ZBTB24: variants seen among roughly 807,000 people sequenced by gnomAD.
The protein encoded by ZBTB24 is zinc finger and BTB domain-containing protein 24.
A neutral mutation model predicts 53.8 loss-of-function variants in ZBTB24; 32 were observed. The ratio of observed to expected loss-of-function variants is 0.60; its 90% CI spans 0.45 to 0.80. The LOEUF is 0.80. Ranked by LOEUF, ZBTB24 falls within the 30% of genes least tolerant of loss-of-function variation. ZBTB24 has a pLI of 0.00. For synonymous variants in ZBTB24, 297 were observed against 306.7 expected (o/e 0.97, Z 0.33); for missense variants, 722 against 837.1 (o/e 0.86, Z 1.70).
chr6:109,467,596 C>T, intron 6 of ZBTB24, 57 bp downstream of exon 6: 3 of 1,613,566 alleles, frequency 1.9e-6, no homozygotes, highest in Non-Finnish European at 2.5e-6. Context: ...TGTCACCTCA[C>T]TGAACAGCAG....
chr6:109,477,817 T>C (rs1298696300), intron 2 of ZBTB24, among the ~76,000 whole-genome samples: 1 of 151,896 alleles, frequency 6.6e-6, no homozygotes, highest in Non-Finnish European at 1.5e-5. Flanking sequence ...TGCCTCCAAG[T>C]GGGAGAGCAG....
In ZBTB24 at chr6:109,465,991, G is replaced by A; in HGVS notation, c.1954C>T (p.Gln652Ter). 1 of 1,614,196 alleles carries A rather than the reference G, an allele frequency of 6.2e-7. No homozygotes were observed. The highest frequency in any genetic ancestry group is 8.5e-7 in the Non-Finnish European group (1 of 1,180,034). ...KETLEHLHAHQEQTEELHLAT... is the reference protein window; with the variant it reads ...KETLEHLHAH ...AAATGGAGCTCCTCTGTTTGCTCTT[G>A]ATGGGCATGAAGATGTTCCAGTGTT... The change falls in exon 7 of 7, where the codon CAA (glutamine) becomes TAA (stop). Residue 652 changes from glutamine to a stop codon, truncating the protein, a stop_gained. Coordinates refer to ENST00000230122, the MANE Select transcript of ZBTB24 (RefSeq NM_014797.3). LOFTEE classifies it low-confidence loss of function (END_TRUNC).
At chr6:109,477,421 G>A (rs1241051639) in intron 2 of ZBTB24, among the ~76,000 whole-genome samples, 1 of 152,186 alleles carries the variant, frequency 6.6e-6, no homozygotes, top group Non-Finnish European at 1.5e-5. Context: ...AAATTGCTGG[G>A]AGTACAGGCA....
intron 5 of ZBTB24, among the ~76,000 whole-genome samples, chr6:109,474,847 T>C (rs1043951886): frequency 5.3e-5 from 8 of 151,974 alleles, no homozygotes; most frequent in African/African-American, 1.9e-4. Context: ...AAGACCAGCC[T>C]GGGCAACATA....
intron 5 of ZBTB24, among the ~76,000 whole-genome samples, chr6:109,473,259 C>T (rs553975277): frequency 6.8e-4 from 103 of 152,220 alleles, no homozygotes; most frequent in Non-Finnish European, 8.4e-4. Flanking sequence ...AAGCATGCAG[C>T]TAAATTGAGA....
chr6:109,464,492 C>T lies in ZBTB24; in HGVS notation c.*1359G>A, dbSNP rs927051060. The T allele has an allele frequency of 2.6e-5, 4 of 152,220 alleles. No individual in the cohort carries two copies. The highest frequency in any genetic ancestry group is 2.6e-4 in the Admixed American group (4 of 15,286). The allele number at this position is 152,220 out of a possible 1,614,324, so 9.4% of individuals were successfully genotyped here. On this transcript the variant is annotated 3_prime_UTR_variant, in exon 7 of 7. Coordinates refer to ENST00000230122, the MANE Select transcript of ZBTB24 (RefSeq NM_014797.3). ...TGCCCACCTTCTTTTCTCAAAAATCCCCTACCAGCTTACATGAAAGTGGTA... is the reference window on the plus strand; with the variant it reads ...TGCCCACCTTCTTTTCTCAAAAATCTCCTACCAGCTTACATGAAAGTGGTA...
At chr6:109,479,006 G>C (rs1776339306) in intron 2 of ZBTB24, among the ~76,000 whole-genome samples, 1 of 152,108 alleles carries the variant, frequency 6.6e-6, no homozygotes, top group Non-Finnish European at 1.5e-5. Context: ...ACCTCAAAGG[G>C]CTGAAAAACA....
At chr6:109,476,139 T>A (rs771478541) in intron 4 of ZBTB24, 36 bp downstream of exon 4, 9 of 1,603,908 alleles carry the variant, frequency 5.6e-6, no homozygotes, top group Non-Finnish European at 7.7e-6. Context: ...TTTGCATTTC[T>A]TCCCCCCCAA....
chr6:109,477,048 C>A, intron 2 of ZBTB24, 118 bp from the exon 3 acceptor site: 10 of 1,378,220 alleles, frequency 7.3e-6, no homozygotes, highest in Non-Finnish European at 1.0e-5. Flanking sequence ...AAAAGGCCAA[C>A]AATGAACACA....
rs758389236 is a variant in ZBTB24, at chr6:109,465,872, T to C, written c.2073A>G (p.Pro691=). The change falls in exon 7 of 7, where the codon CCA becomes CCG. Residue 691 remains proline, a synonymous_variant. Coordinates refer to ENST00000230122, the MANE Select transcript of ZBTB24 (RefSeq NM_014797.3). ...PPTHHVPQPT[P]LGQEQS is the part of the protein sequence containing the mutation. Reference sequence around the variant, plus strand: ...CAGGTCAGCTCTGCTCCTGGCCAAGTGGCGTTGGCTGGGGCACGTGGTGAG... The same window carrying C: ...CAGGTCAGCTCTGCTCCTGGCCAAGCGGCGTTGGCTGGGGCACGTGGTGAG... 9.3e-6 allele frequency: 15 copies of C among 1,614,114 alleles called. No individual in the cohort carries two copies. In the South Asian group the frequency reaches 1.5e-4, roughly 17 times the overall value.
chr6:109,473,762 A>T (rs1484556059), intron 5 of ZBTB24, among the ~76,000 whole-genome samples: 1 of 152,160 alleles, frequency 6.6e-6, no homozygotes, highest in East Asian at 1.9e-4. Context: ...TGTTTACTGA[A>T]TTTAAGAAGA....
intron 2 of ZBTB24, among the ~76,000 whole-genome samples, chr6:109,477,504 A>T (rs972366228): frequency 6.6e-6 from 1 of 152,136 alleles, no homozygotes; most frequent in African/African-American, 2.4e-5. Context: ...AATTGGTGGC[A>T]CCTGCTATCT....
chr6:109,478,022 T>C (rs897871762), intron 2 of ZBTB24, among the ~76,000 whole-genome samples: 1 of 152,322 alleles, frequency 6.6e-6, no homozygotes, highest in Middle Eastern at 3.4e-3. Flanking sequence ...AAGGCTGGAA[T>C]GTAACAAAAG....
chr6:109,471,680 C>T (rs1207171966), intron 5 of ZBTB24, among the ~76,000 whole-genome samples: 1 of 152,190 alleles, frequency 6.6e-6, no homozygotes, highest in Non-Finnish European at 1.5e-5. Context: ...TTGTTCCCAG[C>T]TCACCATGCA....
chr6:109,480,460 T>C (rs1278289267), intron 2 of ZBTB24, among the ~76,000 whole-genome samples: 1 of 152,202 alleles, frequency 6.6e-6, no homozygotes, highest in African/African-American at 2.4e-5. Flanking sequence ...AAAAACCACA[T>C]GTGGTTACTG....
intron 2 of ZBTB24, among the ~76,000 whole-genome samples, chr6:109,480,539 C>A (rs758560150): frequency 3.9e-5 from 6 of 152,098 alleles, no homozygotes; most frequent in Non-Finnish European, 8.8e-5. Context: ...TTGGTCAGCG[C>A]TGGGCTAGAG....
At chr6:109,477,292 C>T (rs1006813319) in intron 2 of ZBTB24, among the ~76,000 whole-genome samples, 3 of 152,198 alleles carry the variant, frequency 2.0e-5, no homozygotes, top group Non-Finnish European at 4.4e-5. Flanking sequence ...TGTGCCACCA[C>T]TACACCCAGC....
At chr6:109,475,299 AT>A (rs1776256059) in intron 5 of ZBTB24, 99 bp downstream of exon 5, 1 of 1,406,876 alleles carries the variant, frequency 7.1e-7, no homozygotes, top group Non-Finnish European at 1.0e-6. Context: ...TATAATAAAC[AT>A]TTCCAAACAC....
chr6:109,467,704 CCA>C lies in ZBTB24; in HGVS notation c.1317_1318del (p.Cys439TrpfsTer34). On this transcript the variant is annotated frameshift_variant, in exon 6 of 7. Coordinates refer to ENST00000230122, the MANE Select transcript of ZBTB24 (RefSeq NM_014797.3). LOFTEE classifies it high-confidence loss of function. ...AGAACTCTTTGCTGTGAAAGATTTG[CCA>C]CAGATTTCACAAGTAAATGGCTTCT... The C allele has an allele frequency of 6.2e-7, 1 of 1,613,796 alleles. No individual in the cohort carries two copies. The highest frequency in any genetic ancestry group is 8.5e-7 in the Non-Finnish European group (1 of 1,179,978).
Sources: allele counts gnomAD v4.1 joint callset (sites outside exome capture counted in the v4.1 genomes callset), GRCh38; gene constraint gnomAD v4.1.1; transcripts MANE v1.5; gene names NCBI Gene and HGNC (gene_info 2026-07-23, HGNC 2026-07-21).